Variants in IGF1R observed in about 807,000 individuals in gnomAD.
The protein encoded by IGF1R is insulin like growth factor 1 receptor.
IGF1R carries 44 observed loss-of-function variants against 144.6 expected under a neutral mutation model. The ratio of observed to expected loss-of-function variants is 0.30; its 90% CI spans 0.24 to 0.39. IGF1R has a LOEUF of 0.39. Ranked by LOEUF, IGF1R falls within the 10% of genes least tolerant of loss-of-function variation. The pLI, the probability that IGF1R is intolerant of heterozygous loss-of-function variation, is 1.00. For missense variants in IGF1R, 1,355 were observed against 1,833.7 expected, an observed-to-expected ratio of 0.74 and a Z score of 4.77; for synonymous variants, 795 against 722.8, an observed-to-expected ratio of 1.10 and a Z score of -1.60.
intron 2 of IGF1R, among the ~76,000 whole-genome samples, chr15:98,791,983 G>A (rs1269346416): frequency 2.6e-5 from 4 of 152,220 alleles, no homozygotes; most frequent in African/African-American, 4.8e-5. Context: ...CAGGGTTTGA[G>A]GATCAGAATG....
chr15:98,708,956 GC>G (rs1392268545), intron 2 of IGF1R, among the ~76,000 whole-genome samples: 1 of 152,146 alleles, frequency 6.6e-6, no homozygotes, highest in Non-Finnish European at 1.5e-5. Flanking sequence ...GAATAACTGA[GC>G]TCTTGCCTTC....
At chr15:98,945,473 G>A (rs2016517065) in intron 19 of IGF1R, among the ~76,000 whole-genome samples, 1 of 152,192 alleles carries the variant, frequency 6.6e-6, no homozygotes, top group East Asian at 1.9e-4. Flanking sequence ...TAATTAGAAA[G>A]GGCTTTACAC....
At chr15:98,779,630 C>G (rs1014695701) in intron 2 of IGF1R, among the ~76,000 whole-genome samples, 1 of 152,164 alleles carries the variant, frequency 6.6e-6, no homozygotes, top group Non-Finnish European at 1.5e-5. Flanking sequence ...TTTTCTGATG[C>G]GGAACTATCA....
intron 2 of IGF1R, among the ~76,000 whole-genome samples, chr15:98,710,728 G>C (rs530116580): frequency 1.3e-5 from 2 of 149,750 alleles, no homozygotes; most frequent in East Asian, 3.9e-4. Context: ...GTGCAGCGGC[G>C]CGATCTCGGC....
chr15:98,769,706 T>C (rs1457644469), intron 2 of IGF1R, among the ~76,000 whole-genome samples: 2 of 152,260 alleles, frequency 1.3e-5, no homozygotes, highest in African/African-American at 2.4e-5. Flanking sequence ...AGGGGACTTA[T>C]CGACAGTTCC....
In IGF1R at chr15:98,908,712, C is replaced by T. The variant is rs751361664; in HGVS notation, c.1275C>T (p.Asn425=). ...ATTACTCCTTCTACGTCCTCGACAA[C>T]CAGAACTTGCAGCAACTGTGGGACT... ...EGNYSFYVLD[N]QNLQQLWDWD... The change falls in exon 6 of 21, where the codon AAC becomes AAT. Residue 425 remains asparagine (N), a synonymous_variant. Coordinates refer to ENST00000650285, the MANE Select transcript of IGF1R (RefSeq NM_000875.5). 4.3e-6 allele frequency: 7 copies of T among 1,614,024 alleles called. No homozygotes were observed. The highest frequency in any genetic ancestry group is 1.1e-5 in the South Asian group (1 of 91,076).
chr15:98,929,938 C>G (rs1359797558), intron 14 of IGF1R, among the ~76,000 whole-genome samples: 1 of 152,200 alleles, frequency 6.6e-6, no homozygotes, highest in Admixed American at 6.5e-5. Context: ...GATGCGCTAG[C>G]CTTCCCAATC....
Position 98,959,604 on chromosome 15 carries a change from C to T in IGF1R, c.*2162C>T, listed in dbSNP as rs1427003731. On this transcript the variant is annotated 3_prime_UTR_variant, in exon 21 of 21. Transcript: ENST00000650285. ...TGGTGCTGGCCCACTTTCCCTCGGC[C>T]AGGAATCCAGGTCCTTGGGGCCCAG... is the stretch of plus-strand genomic sequence containing the variant. 4.3e-6 allele frequency: 1 copy of T among 233,464 alleles called. No homozygotes were observed. Among genetic ancestry groups the T allele is most frequent in the African/African-American group, 2.2e-5 (1 of 45,330 alleles). 14.5% of individuals were successfully genotyped at this position (233,464 alleles called of 1,614,324 possible). A position where few individuals can be genotyped will look rare whatever the true frequency, so the allele number is the denominator to read the frequency against.
intron 5 of IGF1R, among the ~76,000 whole-genome samples, chr15:98,902,058 A>G (rs1466426198): frequency 6.6e-6 from 1 of 152,136 alleles, no homozygotes; most frequent in Non-Finnish European, 1.5e-5. Flanking sequence ...CTTTTGGTTT[A>G]AGCCAAGATA....
intron 2 of IGF1R, among the ~76,000 whole-genome samples, chr15:98,807,007 A>C (rs2056486543): frequency 6.6e-6 from 1 of 152,182 alleles, no homozygotes; most frequent in South Asian, 2.1e-4. Context: ...AAGAAAAAAA[A>C]GAAAAGAAAA....
At chr15:98,853,224 G>A (rs2011615075) in intron 2 of IGF1R, among the ~76,000 whole-genome samples, 1 of 152,168 alleles carries the variant, frequency 6.6e-6, no homozygotes, top group South Asian at 2.1e-4. Flanking sequence ...AAGAAGGGGG[G>A]CAGTATTGTG....
chr15:98,812,358 G>GT (rs1421281421), intron 2 of IGF1R, among the ~76,000 whole-genome samples: 18 of 148,270 alleles, frequency 1.2e-4, no homozygotes, highest in Non-Finnish European at 1.9e-4. Context: ...TCTTGAAAAA[G>GT]CTTTTTTTTT....
chr15:98,901,237 A>G (rs1011641888), intron 5 of IGF1R, among the ~76,000 whole-genome samples: 8 of 152,212 alleles, frequency 5.3e-5, no homozygotes, highest in African/African-American at 1.9e-4. Flanking sequence ...TTTTAGATGC[A>G]GGGGAGGGCA....
intron 13 of IGF1R, among the ~76,000 whole-genome samples, chr15:98,926,956 CCCT>C (rs2015745439): frequency 6.6e-6 from 1 of 152,152 alleles, no homozygotes; most frequent in Non-Finnish European, 1.5e-5. Flanking sequence ...CAGCCTCCTT[CCCT>C]CCTCTTTTTC....
intron 20 of IGF1R, among the ~76,000 whole-genome samples, chr15:98,953,368 G>T (rs2016852894): frequency 6.6e-6 from 1 of 152,188 alleles, no homozygotes; most frequent in African/African-American, 2.4e-5. Context: ...CACAACATCA[G>T]ATTTGGGTTG....
At chr15:98,657,756 C>T (rs970110156) in intron 1 of IGF1R, among the ~76,000 whole-genome samples, 14 of 152,328 alleles carry the variant, frequency 9.2e-5, no homozygotes, top group Non-Finnish European at 1.8e-4. Flanking sequence ...ACATGCACCT[C>T]AGTAAAATTT....
chr15:98,855,962 C>T (rs1349828680), intron 2 of IGF1R, among the ~76,000 whole-genome samples: 2 of 152,308 alleles, frequency 1.3e-5, no homozygotes, highest in South Asian at 2.1e-4. Context: ...GCAGAGTGGC[C>T]GTAGAGGCTG....
At chr15:98,943,650 T>G (rs545298368) in intron 19 of IGF1R, among the ~76,000 whole-genome samples, 5 of 152,354 alleles carry the variant, frequency 3.3e-5, no homozygotes, top group African/African-American at 1.2e-4. Flanking sequence ...CTCAGTAGTA[T>G]TGTTTATTGC....
chr15:98,909,267 T>TCTTC (rs10667542), intron 6 of IGF1R, among the ~76,000 whole-genome samples: 1 of 124,038 alleles, frequency 8.1e-6, no homozygotes. Flanking sequence ...TTTTCTTTTT[T>TCTTC]TTTTTTTTTT....
Sources: allele counts gnomAD v4.1 joint callset (sites outside exome capture counted in the v4.1 genomes callset), GRCh38; gene constraint gnomAD v4.1.1; transcripts MANE v1.5; gene names NCBI Gene and HGNC (gene_info 2026-07-23, HGNC 2026-07-21).